TBC1D22B: variants seen among roughly 807,000 people sequenced by gnomAD.
TBC1D22B encodes chromosome 6 open reading frame 197.
In TBC1D22B, 32 loss-of-function variants were observed where a neutral mutation model predicts 69.1. The ratio of observed to expected loss-of-function variants is 0.46; its 90% CI spans 0.35 to 0.62. The LOEUF (loss-of-function observed/expected upper bound fraction) is 0.62, where lower values mean the gene tolerates loss of function less well. Ranked by LOEUF, TBC1D22B falls within the 20% of genes least tolerant of loss-of-function variation. The pLI is 0.00. For synonymous variants in TBC1D22B, 206 were observed against 229.8 expected (o/e 0.90, Z 0.94); for missense variants, 462 against 630.9 (o/e 0.73, Z 2.87).
intron 10 of TBC1D22B, 90 bp downstream of exon 10, chr6:37,313,981 C>G: frequency 8.3e-7 from 1 of 1,211,574 alleles, no homozygotes; most frequent in Non-Finnish European, 1.2e-6. Flanking sequence ...CCTCAGCTGT[C>G]TTCCTAGCCA....
At chr6:37,306,593 G>A (rs1174350938) in intron 8 of TBC1D22B, among the ~76,000 whole-genome samples, 1 of 152,174 alleles carries the variant, frequency 6.6e-6, no homozygotes, top group Non-Finnish European at 1.5e-5. Flanking sequence ...GCCAATGTCA[G>A]GAGGCTGACT....
At chr6:37,297,041 G>A (rs916825416) in intron 8 of TBC1D22B, among the ~76,000 whole-genome samples, 2 of 152,046 alleles carry the variant, frequency 1.3e-5, no homozygotes, top group African/African-American at 4.8e-5. Flanking sequence ...TGCCCAGGCT[G>A]GTCCTGAACT....
At chr6:37,316,938 C>A (rs1768101966) in intron 11 of TBC1D22B, 108 bp downstream of exon 11, 1 of 1,567,534 alleles carries the variant, frequency 6.4e-7, no homozygotes, top group Non-Finnish European at 8.7e-7. Flanking sequence ...CTCCTCTTTT[C>A]TACTTCCATG....
At chr6:37,321,424 G>C (rs1768240947) in intron 12 of TBC1D22B, among the ~76,000 whole-genome samples, 1 of 152,100 alleles carries the variant, frequency 6.6e-6, no homozygotes, top group African/African-American at 2.4e-5. Flanking sequence ...CCCCTACATT[G>C]GAGGTTGCTA....
chr6:37,260,978 T>G (rs977070182), intron 1 of TBC1D22B, among the ~76,000 whole-genome samples: 1 of 152,208 alleles, frequency 6.6e-6, no homozygotes, highest in Non-Finnish European at 1.5e-5. Context: ...GGATATATAT[T>G]TTCTATTCTT....
chr6:37,272,910 C>T (rs1178351134), intron 2 of TBC1D22B, among the ~76,000 whole-genome samples: 1 of 152,080 alleles, frequency 6.6e-6, no homozygotes, highest in Non-Finnish European at 1.5e-5. Context: ...CAACAATGCA[C>T]TTAGGGGAGG....
In TBC1D22B at chr6:37,292,506, T is replaced by A. The variant is rs1767219786; in HGVS notation, c.982+1149T>A. Among the ~76,000 whole-genome samples, 4 of 152,112 alleles carry A rather than the reference T, an allele frequency of 2.6e-5. 1 individual carries two copies. In the South Asian group the frequency reaches 6.2e-4, roughly 24 times the overall value. ...CCCCCCCGCCTTAATAGATCAACTTTTGGAAGCAGCGTAATTCTGCTGTGT... is the reference window on the plus strand; with the variant it reads ...CCCCCCCGCCTTAATAGATCAACTTATGGAAGCAGCGTAATTCTGCTGTGT... On this transcript the variant is annotated intron_variant, in intron 8 of 12. Transcript: ENST00000373491.
At chr6:37,267,462 ATATATATAATATATATACAC>A (rs1178209298) in intron 1 of TBC1D22B, among the ~76,000 whole-genome samples, 3 of 135,120 alleles carry the variant, frequency 2.2e-5, no homozygotes, top group East Asian at 2.0e-4. Flanking sequence ...ATATATACAC[ATATATATAATATATATACAC>A]TATATATAAT....
intron 12 of TBC1D22B, among the ~76,000 whole-genome samples, chr6:37,318,279 A>G (rs1456053491): frequency 1.3e-5 from 2 of 152,188 alleles, no homozygotes; most frequent in Admixed American, 1.3e-4. Context: ...TTCCTGATGA[A>G]TTGGGTGTAG....
chr6:37,317,892 A>G (rs988990950), intron 12 of TBC1D22B, among the ~76,000 whole-genome samples: 5 of 152,166 alleles, frequency 3.3e-5, no homozygotes, highest in African/African-American at 1.2e-4. Context: ...GGAAGGAATC[A>G]TGACGGTCAC....
chr6:37,282,895 G>T lies in TBC1D22B; in HGVS notation c.615G>T (p.Lys205Asn). 1 of 1,614,120 alleles carries T rather than the reference G, an allele frequency of 6.2e-7. No individual in the cohort carries two copies. Among genetic ancestry groups the T allele is most frequent in the Non-Finnish European group, 8.5e-7 (1 of 1,179,978 alleles). The change falls in exon 5 of 13, where the codon AAG (lysine) becomes AAT (asparagine). Residue 205 changes from lysine (K) to asparagine (N), a missense_variant. Lys to Asn is a moderately conservative substitution (Grantham distance 94). Transcript: ENST00000373491. ...SQNTDLDELR[K>N]CSWPGVPREV... ...TTCTATTTACAGATGAACTGAGGAA[G>T]TGTAGCTGGCCAGGGGTTCCCAGGG...
intron 1 of TBC1D22B, among the ~76,000 whole-genome samples, chr6:37,259,747 T>TTG (rs761782473): frequency 1.7e-3 from 262 of 152,302 alleles, no homozygotes; most frequent in Middle Eastern, 6.8e-3. Flanking sequence ...TTGGGCTCTG[T>TTG]TGTGTGTGTG....
intron 8 of TBC1D22B, among the ~76,000 whole-genome samples, chr6:37,308,690 G>C (rs1235988075): frequency 6.6e-6 from 1 of 152,146 alleles, no homozygotes; most frequent in Non-Finnish European, 1.5e-5. Flanking sequence ...TGTTAGTCAG[G>C]TTTTCCTCCT....
At chr6:37,312,729 A>G (rs1228928189) in intron 8 of TBC1D22B, among the ~76,000 whole-genome samples, 189 bp from the exon 9 acceptor site, 1 of 152,220 alleles carries the variant, frequency 6.6e-6, no homozygotes, top group Non-Finnish European at 1.5e-5. Flanking sequence ...TTCAAGAACA[A>G]ATATGTTCTT....
intron 8 of TBC1D22B, among the ~76,000 whole-genome samples, chr6:37,311,277 G>A (rs1193153440): frequency 6.8e-6 from 1 of 147,784 alleles, no homozygotes; most frequent in African/African-American, 2.5e-5. Context: ...CAGCCTTGAT[G>A]TTCATTTAAA....
intron 8 of TBC1D22B, among the ~76,000 whole-genome samples, chr6:37,302,386 A>G (rs143399797): frequency 3.3e-5 from 5 of 152,318 alleles, no homozygotes; most frequent in Non-Finnish European, 7.3e-5. Flanking sequence ...TCTTTCCTCC[A>G]AGAGCTTTTA....
In TBC1D22B at chr6:37,257,828, G is replaced by A. The variant is rs1218752318; in HGVS notation, c.-90G>A. The A allele has an allele frequency of 2.8e-6, 4 of 1,453,568 alleles. No individual in the cohort carries two copies. The highest frequency in any genetic ancestry group is 3.7e-6 in the Non-Finnish European group (4 of 1,066,760). The allele number at this position is 1,453,568 out of a possible 1,614,324, so 90.0% of individuals were successfully genotyped here. A position where few individuals can be genotyped will look rare whatever the true frequency, so the allele number is the denominator to read the frequency against. ...GCGGGTGACCGGCGGCGGGGAAGCG[G>A]CCTGGGTTGGCCCTCAGATTGCGGG... On this transcript the variant is annotated 5_prime_UTR_variant, in exon 1 of 13. Transcript: ENST00000373491.
intron 8 of TBC1D22B, among the ~76,000 whole-genome samples, chr6:37,295,306 G>A (rs1767329508): frequency 6.6e-6 from 1 of 151,782 alleles, no homozygotes; most frequent in Admixed American, 6.6e-5. Context: ...GGTTTTCATT[G>A]TGTTGCCCAG....
intron 1 of TBC1D22B, among the ~76,000 whole-genome samples, chr6:37,269,387 C>T (rs372409360): frequency 6.6e-6 from 1 of 152,170 alleles, no homozygotes. Context: ...GTGTAAGGCA[C>T]TGAAACTTCA....
Sources: gnomAD v4.1 joint callset for allele counts (sites outside exome capture counted in the v4.1 genomes callset) on GRCh38, gnomAD v4.1.1 for gene constraint, MANE v1.5 for transcripts, NCBI Gene and HGNC (gene_info 2026-07-23, HGNC 2026-07-21) for gene names.